BANP: variants seen among roughly 807,000 people sequenced by gnomAD.
BANP encodes BTG3 associated nuclear protein, also known as protein BANP.
In BANP, 11 loss-of-function variants were observed where a neutral mutation model predicts 68.1. The ratio of observed to expected loss-of-function variants is 0.16; its 90% CI spans 0.10 to 0.27. The LOEUF (loss-of-function observed/expected upper bound fraction) is 0.27, where lower values mean the gene tolerates loss of function less well. BANP is among the 10% of genes least tolerant of loss of function. The pLI is 1.00. For missense variants in BANP, 504 were observed against 722.7 expected (o/e 0.70, Z 3.47); for synonymous variants, 329 against 303.2 (o/e 1.09, Z -0.88).
chr16:87,956,415 A>T (rs2058057504), intron 1 of BANP, among the ~76,000 whole-genome samples: 1 of 152,202 alleles, frequency 6.6e-6, no homozygotes, highest in South Asian at 2.1e-4. Context: ...TGAAAGCATG[A>T]CATCATCTGA....
At chr16:87,965,511 G>C (rs1299813684) in intron 1 of BANP, among the ~76,000 whole-genome samples, 3 of 151,958 alleles carry the variant, frequency 2.0e-5, no homozygotes, top group Non-Finnish European at 4.4e-5. Context: ...GAGGAGGCAG[G>C]AGTGGGCATT....
chr16:88,042,179 A>G (rs1358090973), intron 11 of BANP, among the ~76,000 whole-genome samples: 1 of 152,194 alleles, frequency 6.6e-6, no homozygotes, highest in African/African-American at 2.4e-5. Context: ...TCCTGTGACC[A>G]GTGTTGGGGG....
chr16:87,975,440 G>T (rs1468354336), intron 2 of BANP, among the ~76,000 whole-genome samples: 1 of 152,146 alleles, frequency 6.6e-6, no homozygotes, highest in East Asian at 1.9e-4. Context: ...CCACTCCTTG[G>T]GGGTATGCGT....
intron 11 of BANP, among the ~76,000 whole-genome samples, chr16:88,038,216 G>C (rs2079873786): frequency 6.6e-6 from 1 of 152,176 alleles, no homozygotes; most frequent in Admixed American, 6.5e-5. Flanking sequence ...CTCATGGGAA[G>C]GGGGCGGATG....
At chr16:88,027,038 G>A (rs1312270320) in intron 7 of BANP, among the ~76,000 whole-genome samples, 1 of 152,242 alleles carries the variant, frequency 6.6e-6, no homozygotes, top group Non-Finnish European at 1.5e-5. Context: ...GAGCAGGCCC[G>A]AGTAGGCAGA....
In BANP at chr16:88,027,488, C is replaced by T; in HGVS notation, c.901C>T (p.Leu301Phe). The T allele has an allele frequency of 6.2e-7, 1 of 1,613,518 alleles. No homozygotes were observed. Among genetic ancestry groups the T allele is most frequent in the Non-Finnish European group, 8.5e-7 (1 of 1,179,808 alleles). The change falls in exon 8 of 14, where the codon CTT becomes TTT. Residue 301 changes from leucine to phenylalanine, a missense_variant. By Grantham distance (22) the Leu-to-Phe change is conservative (BLOSUM62 0). Around this residue, in one of 3 missense-constraint regions of BANP, gnomAD observed 43 missense variants for 197.7 expected, o/e 0.22. Coordinates refer to ENST00000682872, the MANE Select transcript of BANP (RefSeq NM_001386991.1). ...PLTIYGIRCH[L>F]FYKFGITESD... ...CCTTGGATGTGTCCTTCCAGGTCAC[C>T]TTTTCTATAAATTTGGCATCACAGA... is the stretch of plus-strand genomic sequence containing the variant.
intron 11 of BANP, among the ~76,000 whole-genome samples, chr16:88,049,938 C>T (rs2082867605): frequency 6.6e-6 from 1 of 152,208 alleles, no homozygotes; most frequent in Non-Finnish European, 1.5e-5. Context: ...TTACATACAG[C>T]ATAGGAAATG....
chr16:88,072,013 G>C, intron 12 of BANP, 56 bp from the exon 13 acceptor site: 1 of 1,538,610 alleles, frequency 6.5e-7, no homozygotes, highest in African/African-American at 1.4e-5. Context: ...CATGTGGGTT[G>C]TGGGTTGTGG....
intron 1 of BANP, among the ~76,000 whole-genome samples, chr16:87,971,567 G>C (rs2061133800): frequency 6.7e-6 from 1 of 149,474 alleles, no homozygotes; most frequent in Admixed American, 6.7e-5. Context: ...TCTTTTGCTT[G>C]GATGGCTAAA....
chr16:88,070,619 G>T (rs2090062758), intron 12 of BANP, among the ~76,000 whole-genome samples: 1 of 152,090 alleles, frequency 6.6e-6, no homozygotes, highest in Admixed American at 6.6e-5. Context: ...AGCTTTGGGG[G>T]GCACACCTGG....
At chr16:87,980,842 G>T (rs778394021) in intron 2 of BANP, 194 bp from the exon 3 acceptor site, 1 of 561,810 alleles carries the variant, frequency 1.8e-6, no homozygotes, top group Non-Finnish European at 3.2e-6. Context: ...CAGTGTCTGG[G>T]CTTTTCTTGG....
chr16:88,070,440 A>G (rs1003355201), intron 12 of BANP, among the ~76,000 whole-genome samples: 2 of 152,186 alleles, frequency 1.3e-5, no homozygotes, highest in African/African-American at 4.8e-5. Flanking sequence ...CTTGTATAGC[A>G]TCTGTTTGAG....
chr16:88,060,555 T>C (rs2086453254), intron 11 of BANP, among the ~76,000 whole-genome samples: 1 of 152,204 alleles, frequency 6.6e-6, no homozygotes, highest in Non-Finnish European at 1.5e-5. Context: ...TTTTGTGCCA[T>C]ACAGTAAGTT....
chr16:88,041,083 C>G (rs148700999), intron 11 of BANP, among the ~76,000 whole-genome samples: 1 of 152,372 alleles, frequency 6.6e-6, no homozygotes, highest in African/African-American at 2.4e-5. Flanking sequence ...CATCCTGCAC[C>G]CCAGCCCCTT....
chr16:87,999,285 C>T (rs1449564026), intron 4 of BANP, among the ~76,000 whole-genome samples: 1 of 144,388 alleles, frequency 6.9e-6, no homozygotes, highest in African/African-American at 2.6e-5. Flanking sequence ...TCCATGCATG[C>T]ACTTGCACGG....
rs532886132 is a variant in BANP, at chr16:88,073,686, G to A, written c.1521+1474G>A. On this transcript the variant is annotated intron_variant, in intron 13 of 13. Coordinates refer to ENST00000682872, the MANE Select transcript of BANP (RefSeq NM_001386991.1). ...TGCCGAGGACGCGTGGCAGCCCCCC[G>A]TGCCGTTCCAGATAGGAGCGCTGCA... Among the ~76,000 whole-genome samples the A allele has an allele frequency of 3.1e-3, 471 of 152,318 alleles. 1 individual carries two copies. The highest frequency in any genetic ancestry group is 0.01 in the African/African-American group (434 of 41,590).
chr16:88,012,137 G>A (rs1329286848), intron 6 of BANP, among the ~76,000 whole-genome samples: 2 of 152,252 alleles, frequency 1.3e-5, no homozygotes, highest in Non-Finnish European at 2.9e-5. Context: ...GAATAGGAGA[G>A]ATGAGTTATT....
intron 11 of BANP, among the ~76,000 whole-genome samples, chr16:88,044,733 C>T (rs2081575877): frequency 6.6e-6 from 1 of 152,160 alleles, no homozygotes; most frequent in African/African-American, 2.4e-5. Context: ...CCTGTAATCC[C>T]AGCACTTTGG....
Position 88,072,106 on chromosome 16 carries a change from C to T in BANP, c.1415C>T (p.Ser472Leu), listed in dbSNP as rs763098274. 4.4e-6 allele frequency: 7 copies of T among 1,602,346 alleles called. No individual in the cohort carries two copies. The highest frequency in any genetic ancestry group is 6.0e-6 in the Non-Finnish European group (7 of 1,176,002). ...QGAQLIAVASSDPAAAGVDGS... is the reference protein window; with the variant it reads ...QGAQLIAVASLDPAAAGVDGS... The stretch of plus-strand genomic sequence containing the variant: ...GCACAGCTGATCGCCGTGGCCTCCT[C>T]GGACCCCGCGGCGGCGGGCGTGGAT... Residue 472 changes from serine to leucine, a missense_variant, in exon 13 of 14, where the codon TCG becomes TTG. Transcript: ENST00000682872.
Sources: gnomAD v4.1 joint callset for allele counts (sites outside exome capture counted in the v4.1 genomes callset) on GRCh38, gnomAD v4.1.1 for gene constraint, gnomAD v4.1.1 regional missense constraint, MANE v1.5 for transcripts, NCBI Gene and HGNC (gene_info 2026-07-23, HGNC 2026-07-21) for gene names.